Variants in KLHDC10 observed in about 807,000 individuals in gnomAD.
KLHDC10 encodes the protein kelch domain-containing protein 10.
Under a neutral mutation model 56.1 loss-of-function variants are expected in KLHDC10, and 24 were observed. The ratio of observed to expected loss-of-function variants is 0.43; its 90% confidence interval spans 0.31 to 0.60. The LOEUF (loss-of-function observed/expected upper bound fraction) is 0.60. Among genes scored for constraint, KLHDC10 ranks in the 20% least tolerant of loss-of-function variants. KLHDC10 has a pLI of 0.11. For synonymous variants in KLHDC10, 188 were observed against 207.1 expected (o/e 0.91, Z 0.79); for missense variants, 349 against 567.0 (o/e 0.62, Z 3.91).
intron 1 of KLHDC10, among the ~76,000 whole-genome samples, chr7:130,074,131 T>C (rs1795463484): frequency 6.6e-6 from 1 of 152,226 alleles, no homozygotes; most frequent in Non-Finnish European, 1.5e-5. Context: ...TACGTTCTCT[T>C]GGTCATTGAT....
At chr7:130,108,581 G>A (rs1175750062) in intron 2 of KLHDC10, among the ~76,000 whole-genome samples, 1 of 140,454 alleles carries the variant, frequency 7.1e-6, no homozygotes, top group Non-Finnish European at 1.5e-5. Flanking sequence ...AAAGCTGGGC[G>A]TGGTGGTGCG....
At chr7:130,114,826 G>T (rs1488943079) in intron 2 of KLHDC10, among the ~76,000 whole-genome samples, 1 of 151,936 alleles carries the variant, frequency 6.6e-6, no homozygotes, top group Non-Finnish European at 1.5e-5. Flanking sequence ...TGATGGGTAG[G>T]TAGGTAGACT....
intron 8 of KLHDC10, among the ~76,000 whole-genome samples, chr7:130,128,889 AATATATATAT>A (rs1554468213): frequency 4.5e-4 from 30 of 66,932 alleles, no homozygotes; most frequent in Non-Finnish European, 6.4e-4. Context: ...AAAAAAAAAA[AATATATATAT>A]ATATATATAT....
At chr7:130,122,352 G>T in intron 5 of KLHDC10, 150 bp downstream of exon 5, 1 of 670,676 alleles carries the variant, frequency 1.5e-6, no homozygotes, top group Non-Finnish European at 2.3e-6. Flanking sequence ...AGTAAAGAAA[G>T]GTCTATAGTA....
At chr7:130,117,819 C>T (rs1355733284) in intron 3 of KLHDC10, among the ~76,000 whole-genome samples, 1 of 133,706 alleles carries the variant, frequency 7.5e-6, no homozygotes, top group Non-Finnish European at 1.5e-5. Context: ...CACTGCATTC[C>T]AGCCTGGGTG....
chr7:130,077,555 C>CTTTT (rs1374918216), intron 1 of KLHDC10, among the ~76,000 whole-genome samples: 43 of 108,104 alleles, frequency 4.0e-4, no homozygotes, highest in Non-Finnish European at 5.3e-4. Flanking sequence ...CTTTTTCTTT[C>CTTTT]TTTTTTTTTT....
chr7:130,127,972 T>C (rs1039304327), intron 8 of KLHDC10, among the ~76,000 whole-genome samples: 5 of 152,254 alleles, frequency 3.3e-5, no homozygotes, highest in African/African-American at 9.6e-5. Context: ...GATAAGTGAC[T>C]CCTCTCTGGA....
chr7:130,094,897 A>G (rs939829006), intron 1 of KLHDC10: 7 of 152,166 alleles, frequency 4.6e-5, no homozygotes, highest in African/African-American at 1.7e-4. Context: ...TTCTTTAGGA[A>G]TAGATTCCTA....
intron 2 of KLHDC10, among the ~76,000 whole-genome samples, chr7:130,109,063 C>T (rs758317228): frequency 7.2e-5 from 11 of 151,726 alleles, no homozygotes; most frequent in East Asian, 1.9e-4. Flanking sequence ...TGCAGGTGTG[C>T]GCCACCACAC....
chr7:130,089,272 G>A (rs547124583), intron 1 of KLHDC10, among the ~76,000 whole-genome samples: 1 of 152,128 alleles, frequency 6.6e-6, no homozygotes, highest in South Asian at 2.1e-4. Context: ...TGGGTAACAT[G>A]GTGAAACCCC....
intron 1 of KLHDC10, among the ~76,000 whole-genome samples, chr7:130,071,318 A>G (rs1250873323): frequency 6.6e-6 from 1 of 152,168 alleles, no homozygotes; most frequent in African/African-American, 2.4e-5. Context: ...AGTGTATGGG[A>G]AAGAGAACCT....
intron 8 of KLHDC10, among the ~76,000 whole-genome samples, chr7:130,128,779 C>G (rs1796346704): frequency 6.7e-6 from 1 of 149,200 alleles, no homozygotes; most frequent in African/African-American, 2.5e-5. Context: ...GTGGCTCATG[C>G]CTGTAATCCT....
chr7:130,093,671 A>C (rs1379034576), intron 1 of KLHDC10, among the ~76,000 whole-genome samples: 1 of 152,226 alleles, frequency 6.6e-6, no homozygotes, highest in African/African-American at 2.4e-5. Flanking sequence ...TAAAAATTTA[A>C]GAAGTACATT....
intron 1 of KLHDC10, among the ~76,000 whole-genome samples, chr7:130,085,686 A>C (rs962428924): frequency 7.0e-6 from 1 of 143,478 alleles, no homozygotes; most frequent in Non-Finnish European, 1.5e-5. Context: ...AATACAAAAA[A>C]CGCCGGGCGT....
chr7:130,112,645 G>C (rs1375523894), intron 2 of KLHDC10, among the ~76,000 whole-genome samples: 1 of 152,178 alleles, frequency 6.6e-6, no homozygotes, highest in Non-Finnish European at 1.5e-5. Context: ...TTAATGCTTA[G>C]TCTCCGTGGC....
Position 130,130,119 on chromosome 7 carries a change from A to G in KLHDC10, c.1120-418A>G, listed in dbSNP as rs1243132741. Among the ~76,000 whole-genome samples, 3 of 151,996 alleles carry G rather than the reference A, an allele frequency of 2.0e-5. No individual in the cohort carries two copies. Among genetic ancestry groups the G allele is most frequent in the East Asian group, 1.9e-4 (1 of 5,176 alleles). ...ATCACGAGGTCAGGAGATTGAGACC[A>G]TCCTGGCTAACACGGATGAAACCCC... On this transcript the variant is annotated intron_variant, in intron 9 of 9. Transcript: ENST00000335420. The surrounding 1 kb of genome is among the most constrained non-coding windows in gnomAD (Gnocchi z 4.2).
In KLHDC10 at chr7:130,116,758, C is replaced by A; in HGVS notation, c.475+92C>A. Reference sequence around the variant, plus strand: ...TATTCCTCATTAATAATTTATAACACTATAATGTGATTTCGCCCTGTGGGT... The same window carrying A: ...TATTCCTCATTAATAATTTATAACAATATAATGTGATTTCGCCCTGTGGGT... On this transcript the variant is annotated intron_variant, in intron 3 of 9. Transcript: ENST00000335420. The surrounding 1 kb of genome is among the most constrained non-coding windows in gnomAD (Gnocchi z 4.8). 9.3e-7 allele frequency: 1 copy of A among 1,079,366 alleles called. No homozygotes were observed. The highest frequency in any genetic ancestry group is 1.3e-5 in the South Asian group (1 of 75,108). The allele number at this position is 1,079,366 out of a possible 1,614,324, so 66.9% of individuals were successfully genotyped here.
chr7:130,076,257 T>C (rs375346287), intron 1 of KLHDC10, among the ~76,000 whole-genome samples: 3 of 152,088 alleles, frequency 2.0e-5, no homozygotes, highest in East Asian at 3.9e-4. Context: ...CCTCCTGCTA[T>C]GTGGCCAGGT....
intron 2 of KLHDC10, among the ~76,000 whole-genome samples, chr7:130,104,663 T>C (rs1198777583): frequency 6.6e-6 from 1 of 152,310 alleles, no homozygotes; most frequent in African/African-American, 2.4e-5. Context: ...TAGCATCTGC[T>C]TCTGGAGAGG....
Sources: gnomAD v4.1 joint callset for allele counts (sites outside exome capture counted in the v4.1 genomes callset) on GRCh38, gnomAD v4.1.1 for gene constraint, Gnocchi (gnomAD v3.1) non-coding constraint, MANE v1.5 for transcripts, NCBI Gene and HGNC (gene_info 2026-07-23, HGNC 2026-07-21) for gene names.